Variants in SCCPDH observed in about 807,000 individuals in gnomAD.
SCCPDH encodes the protein saccharopine dehydrogenase-like oxidoreductase.
In SCCPDH, 34 loss-of-function variants were observed where a neutral mutation model predicts 51.5. That is an observed-to-expected ratio of 0.66 (90% CI 0.50 to 0.88). The LOEUF (loss-of-function observed/expected upper bound fraction) is 0.88. SCCPDH is among the 40% of genes least tolerant of loss of function. SCCPDH has a pLI of 0.00. For missense variants in SCCPDH, 464 were observed against 527.1 expected (o/e 0.88, Z 1.17); for synonymous variants, 187 against 191.3 (o/e 0.98, Z 0.19).
intron 3 of SCCPDH, among the ~76,000 whole-genome samples, chr1:246,737,979 T>A (rs1437179391): frequency 6.6e-6 from 1 of 152,066 alleles, no homozygotes; most frequent in East Asian, 2.0e-4. Context: ...GTGGATCACT[T>A]GAGGCCAGGA....
chr1:246,742,497 G>A lies in SCCPDH; in HGVS notation c.515-1579G>A, dbSNP rs910722801. Among the ~76,000 whole-genome samples the A allele has an allele frequency of 3.3e-5, 5 of 152,130 alleles. No individual in the cohort carries two copies. The East Asian group carries it at 5.8e-4, about 18-fold the overall frequency. ...CTTTAGGTGTTCTGTGTTCTTCTGC[G>A]GATCGGGTTAGATCACAGAGCCGCA... On this transcript the variant is annotated intron_variant, in intron 4 of 11. Coordinates refer to ENST00000366510, the MANE Select transcript of SCCPDH (RefSeq NM_016002.3).
intron 2 of SCCPDH, among the ~76,000 whole-genome samples, chr1:246,733,876 C>T (rs1473336658): frequency 1.3e-5 from 2 of 152,334 alleles, no homozygotes; most frequent in East Asian, 1.9e-4. Context: ...TGTGCTCTCA[C>T]TGGTCCTGAC....
intron 10 of SCCPDH, among the ~76,000 whole-genome samples, chr1:246,764,777 G>A (rs1259258169): frequency 6.6e-6 from 1 of 152,248 alleles, no homozygotes; most frequent in Admixed American, 6.5e-5. Context: ...CAAGGGAAGG[G>A]AATGGCTTCT....
intron 5 of SCCPDH, among the ~76,000 whole-genome samples, chr1:246,754,932 A>G (rs1668909148): frequency 6.6e-6 from 1 of 151,936 alleles, no homozygotes; most frequent in Non-Finnish European, 1.5e-5. Flanking sequence ...TGTTTCATTT[A>G]TTTCCACAAT....
intron 5 of SCCPDH, among the ~76,000 whole-genome samples, chr1:246,753,512 ATGTT>A (rs1484643271): frequency 6.6e-6 from 1 of 152,106 alleles, no homozygotes; most frequent in Non-Finnish European, 1.5e-5. Context: ...TGTACATAAA[ATGTT>A]TGGGTAAGAT....
intron 1 of SCCPDH, among the ~76,000 whole-genome samples, chr1:246,726,624 G>T (rs78596210): frequency 6.6e-6 from 1 of 152,020 alleles, no homozygotes; most frequent in African/African-American, 2.4e-5. Flanking sequence ...TGTTACACAG[G>T]GTTGTTATTT....
intron 3 of SCCPDH, among the ~76,000 whole-genome samples, chr1:246,739,104 G>T (rs1668641385): frequency 6.6e-6 from 1 of 152,058 alleles, no homozygotes; most frequent in African/African-American, 2.4e-5. Context: ...TGTGTGTGGT[G>T]TGTGTTTGTG....
chr1:246,743,880 G>C (rs527880024), intron 4 of SCCPDH, among the ~76,000 whole-genome samples, 196 bp from the exon 5 acceptor site: 2 of 152,250 alleles, frequency 1.3e-5, no homozygotes, highest in East Asian at 3.9e-4. Context: ...TCTTTCTGAT[G>C]GTTTACCTGG....
chr1:246,738,074 C>A (rs1668624699), intron 3 of SCCPDH, among the ~76,000 whole-genome samples: 1 of 151,828 alleles, frequency 6.6e-6, no homozygotes, highest in Non-Finnish European at 1.5e-5. Context: ...TGCACGTCTG[C>A]AATCCCAGCT....
At chr1:246,759,335 T>G (rs1016057119) in intron 7 of SCCPDH, among the ~76,000 whole-genome samples, 184 bp downstream of exon 7, 12 of 152,210 alleles carry the variant, frequency 7.9e-5, no homozygotes, top group African/African-American at 2.9e-4. Flanking sequence ...GTCTTTTGAT[T>G]CAGATCTGGC....
chr1:246,730,316 G>A (rs561958488), intron 2 of SCCPDH, among the ~76,000 whole-genome samples: 5 of 152,266 alleles, frequency 3.3e-5, no homozygotes, highest in East Asian at 3.9e-4. Flanking sequence ...CAGCTTCTAC[G>A]TTGTCATCTT....
chr1:246,724,690 C>G, intron 1 of SCCPDH, 78 bp downstream of exon 1: 1 of 1,291,360 alleles, frequency 7.7e-7, no homozygotes, highest in Non-Finnish European at 1.0e-6. Context: ...AGCGTTTCTC[C>G]CGCAGGGATG....
At chr1:246,740,794 A>C (rs1668664468) in intron 4 of SCCPDH, among the ~76,000 whole-genome samples, 1 of 152,210 alleles carries the variant, frequency 6.6e-6, no homozygotes, top group Non-Finnish European at 1.5e-5. Flanking sequence ...TTAGAAAATT[A>C]CCTGAGCAGG....
intron 3 of SCCPDH, among the ~76,000 whole-genome samples, chr1:246,736,700 C>CT (rs1021970589): frequency 1.5e-4 from 23 of 151,216 alleles, no homozygotes; most frequent in Admixed American, 7.2e-4. Flanking sequence ...GAGCGAGACT[C>CT]TGTCTCAAAA....
intron 3 of SCCPDH, among the ~76,000 whole-genome samples, chr1:246,739,950 G>A (rs1337272599): frequency 6.6e-6 from 1 of 152,006 alleles, no homozygotes; most frequent in East Asian, 1.9e-4. Flanking sequence ...AAAATTAAGT[G>A]TCATACAGTC....
At position 246,728,743 on chromosome 1, in the gene SCCPDH, C is replaced by A. The variant is rs554837664; in HGVS notation, c.303+1739C>A. On this transcript the variant is annotated intron_variant, in intron 2 of 11. Transcript: ENST00000366510. The stretch of plus-strand genomic sequence containing the variant: ...TAACAGAATTTCTTTCTTCATCTTC[C>A]TACCACCAGATCTATCTACCTACCT... 2.0e-5 allele frequency among the ~76,000 whole-genome samples: 3 copies of A among 152,160 alleles called. No homozygotes were observed. The South Asian group carries it at 6.2e-4, about 32-fold the overall frequency.
chr1:246,726,975 G>A lies in SCCPDH; in HGVS notation c.274G>A (p.Ala92Thr). 6.2e-7 allele frequency: 1 copy of A among 1,613,794 alleles called. No individual in the cohort carries two copies. Among genetic ancestry groups the A allele is most frequent in the Non-Finnish European group, 8.5e-7 (1 of 1,179,642 alleles). ...PASLDEMAKQ[A>T]TVVLNCVGPY... is the part of the protein sequence containing the mutation. ...CTCGCTTGATGAAATGGCTAAACAG[G>A]CAACAGTTGTCCTCAATTGCGTAGG... Residue 92 changes from alanine to threonine, a missense_variant, in exon 2 of 12, where the codon GCA becomes ACA. Physicochemically the swap from Ala to Thr is moderately conservative, Grantham distance 58 (BLOSUM62 0). Coordinates refer to ENST00000366510, the MANE Select transcript of SCCPDH (RefSeq NM_016002.3).
At chr1:246,762,598 T>C (rs1669034403) in intron 9 of SCCPDH, among the ~76,000 whole-genome samples, 1 of 152,026 alleles carries the variant, frequency 6.6e-6, no homozygotes, top group African/African-American at 2.4e-5. Flanking sequence ...TCCCAGCACT[T>C]TGGGAGGCTG....
intron 4 of SCCPDH, among the ~76,000 whole-genome samples, chr1:246,742,586 T>A (rs1360692035): frequency 6.6e-6 from 1 of 152,212 alleles, no homozygotes; most frequent in Non-Finnish European, 1.5e-5. Context: ...GTTAATGATC[T>A]GCTTTTTATT....
Sources: gnomAD v4.1 joint callset for allele counts (sites outside exome capture counted in the v4.1 genomes callset) on GRCh38, gnomAD v4.1.1 for gene constraint, MANE v1.5 for transcripts, NCBI Gene and HGNC (gene_info 2026-07-23, HGNC 2026-07-21) for gene names.